The following COL24A1 variants were observed in gnomAD, a reference collection of about 807,000 sequenced individuals.
The protein encoded by COL24A1 is collagen alpha-1(XXIV) chain.
A neutral mutation model predicts 253.9 loss-of-function variants in COL24A1; 224 were observed. The ratio of observed to expected loss-of-function variants is 0.88; its 90% confidence interval spans 0.79 to 0.99. COL24A1 has a LOEUF of 0.99. Among genes scored for constraint, COL24A1 ranks in the 50% least tolerant of loss-of-function variants. The pLI is 0.00. For missense variants in COL24A1, 2,131 were observed against 2,068.5 expected (o/e 1.03, Z -0.59); for synonymous variants, 685 against 673.7 (o/e 1.02, Z -0.26).
intron 7 of COL24A1, among the ~76,000 whole-genome samples, chr1:86,088,740 TG>T (rs1055105077): frequency 3.0e-4 from 46 of 152,142 alleles, no homozygotes; most frequent in African/African-American, 1.1e-3. Flanking sequence ...CAAATCCATA[TG>T]TATTACCTAT....
intron 8 of COL24A1, among the ~76,000 whole-genome samples, chr1:86,059,779 A>G (rs1461689060): frequency 6.6e-6 from 1 of 152,162 alleles, no homozygotes; most frequent in East Asian, 1.9e-4. Context: ...GATAATGCCT[A>G]ACAGCATTAG....
chr1:86,027,989 T>C (rs1341246280), intron 14 of COL24A1, among the ~76,000 whole-genome samples: 1 of 152,166 alleles, frequency 6.6e-6, no homozygotes, highest in Non-Finnish European at 1.5e-5. Context: ...ATTTTAAGTT[T>C]TAATGACTGC....
chr1:85,814,230 A>G (rs1439576922), intron 47 of COL24A1, among the ~76,000 whole-genome samples: 9 of 152,198 alleles, frequency 5.9e-5, no homozygotes, highest in Admixed American at 5.9e-4. Context: ...TCTGGCCTTA[A>G]GACCCCTTCA....
At chr1:85,814,375 G>T (rs916888899) in intron 47 of COL24A1, among the ~76,000 whole-genome samples, 1 of 152,138 alleles carries the variant, frequency 6.6e-6, no homozygotes, top group Non-Finnish European at 1.5e-5. Context: ...CATTTTATTT[G>T]TGTTAACTCA....
At chr1:86,153,459 C>T (rs1003254275) in intron 1 of COL24A1, among the ~76,000 whole-genome samples, 13 of 152,092 alleles carry the variant, frequency 8.5e-5, no homozygotes, top group African/African-American at 2.7e-4. Flanking sequence ...ATAATGTTAG[C>T]CTTTTATGAG....
At chr1:85,846,282 T>G (rs949984309) in intron 39 of COL24A1, among the ~76,000 whole-genome samples, 1 of 151,638 alleles carries the variant, frequency 6.6e-6, no homozygotes, top group Admixed American at 6.6e-5. Flanking sequence ...AAAAATAAAG[T>G]TATAAAAGTA....
intron 5 of COL24A1, among the ~76,000 whole-genome samples, chr1:86,109,069 C>T (rs1705290780): frequency 6.6e-6 from 1 of 152,184 alleles, no homozygotes; most frequent in South Asian, 2.1e-4. Context: ...GGAATATAAA[C>T]TCACTATAAA....
At chr1:86,124,252 T>C (rs999599458) in intron 3 of COL24A1, among the ~76,000 whole-genome samples, 2 of 151,858 alleles carry the variant, frequency 1.3e-5, no homozygotes, top group African/African-American at 4.8e-5. Context: ...AATTGACTGA[T>C]AACTGGTTCT....
intron 34 of COL24A1, 39 bp from the exon 35 acceptor site, chr1:85,874,741 A>G (rs896175058): frequency 6.2e-7 from 1 of 1,601,924 alleles, no homozygotes; most frequent in Non-Finnish European, 8.5e-7. Flanking sequence ...CTTTTCTACT[A>G]AGACTGCATG....
chr1:85,971,960 T>C (rs1692209895), intron 20 of COL24A1, among the ~76,000 whole-genome samples: 1 of 152,170 alleles, frequency 6.6e-6, no homozygotes, highest in South Asian at 2.1e-4. Flanking sequence ...ATTTCAATAC[T>C]AAAAAAGTAT....
chr1:85,960,203 C>A (rs1242762606), intron 24 of COL24A1, among the ~76,000 whole-genome samples: 1 of 152,020 alleles, frequency 6.6e-6, no homozygotes, highest in Admixed American at 6.6e-5. Flanking sequence ...TATAAAACAA[C>A]CATATAGAAG....
rs1558752404 is a variant in COL24A1 at position 85,945,016 on chromosome 1, T to TG, written c.2562+16232_2562+16233insC. 4.1e-4 allele frequency among the ~76,000 whole-genome samples: 37 copies of TG among 89,640 alleles called. 2 individuals are homozygous for TG. The highest frequency in any genetic ancestry group is 1.1e-3 in the South Asian group (2 of 1,784). 58.8% of individuals were successfully genotyped at this position (89,640 alleles called of 152,430 possible). A position where few individuals can be genotyped will look rare whatever the true frequency, so the allele number is the denominator to read the frequency against. On this transcript the variant is annotated intron_variant, in intron 24 of 59. Transcript: ENST00000370571. ...TCTATCATTGTGTTTTTTTTTTTTT[T>TG]TTTTTTTTTTTTTTTTTTTGAGACA...
intron 23 of COL24A1, among the ~76,000 whole-genome samples, chr1:85,964,147 T>C (rs911144601): frequency 1.3e-5 from 2 of 152,134 alleles, no homozygotes; most frequent in African/African-American, 2.4e-5. Flanking sequence ...TCAGGAAACG[T>C]AGTAATAATG....
intron 19 of COL24A1, among the ~76,000 whole-genome samples, chr1:86,009,417 C>T (rs1333710398): frequency 6.6e-6 from 1 of 152,154 alleles, no homozygotes; most frequent in Admixed American, 6.5e-5. Flanking sequence ...TATACTTCCA[C>T]AGACCTAGAT....
chr1:85,919,505 C>T (rs1686235653), intron 24 of COL24A1, among the ~76,000 whole-genome samples: 2 of 152,102 alleles, frequency 1.3e-5, no homozygotes, highest in Admixed American at 6.6e-5. Flanking sequence ...AAAGTGAGAC[C>T]CTGTCTCTAC....
chr1:85,989,980 C>A (rs1694098092), intron 19 of COL24A1, among the ~76,000 whole-genome samples: 1 of 152,170 alleles, frequency 6.6e-6, no homozygotes. Context: ...TTTTCCTAAT[C>A]AGATTGTAAA....
Position 85,878,545 on chromosome 1 carries a change from C to G in COL24A1, c.2977-1370G>C, listed in dbSNP as rs146995812. 3.0e-4 allele frequency among the ~76,000 whole-genome samples: 45 copies of G among 152,310 alleles called. 1 individual carries two copies. Among genetic ancestry groups the G allele is most frequent in the South Asian group, 2.9e-3 (14 of 4,826 alleles). On this transcript the variant is annotated intron_variant, in intron 32 of 59. Coordinates refer to ENST00000370571, the MANE Select transcript of COL24A1 (RefSeq NM_152890.7). ...TATAAATAAAGCTGCTATAAACATT[C>G]TTGTACAGGTTTTTGTGTGGACATA...
At chr1:86,113,641 C>A (rs1705827302) in intron 4 of COL24A1, among the ~76,000 whole-genome samples, 1 of 151,476 alleles carries the variant, frequency 6.6e-6, no homozygotes, top group Admixed American at 6.6e-5. Context: ...TGAGACCAGC[C>A]AGGGCAACGC....
intron 2 of COL24A1, among the ~76,000 whole-genome samples, chr1:86,143,568 G>A (rs550496210): frequency 6.8e-4 from 103 of 152,040 alleles, no homozygotes; most frequent in African/African-American, 2.4e-3. Context: ...AATAGAAGTA[G>A]GGAAAGGAGA....
Sources: gnomAD v4.1 joint callset for allele counts (sites outside exome capture counted in the v4.1 genomes callset) on GRCh38, gnomAD v4.1.1 for gene constraint, MANE v1.5 for transcripts, NCBI Gene and HGNC (gene_info 2026-07-23, HGNC 2026-07-21) for gene names.